RYR2: variants seen among roughly 807,000 people sequenced by gnomAD.
The protein encoded by RYR2 is cardiac muscle ryanodine receptor-calcium release channel.
A neutral mutation model predicts 601.1 loss-of-function variants in RYR2; 227 were observed. The ratio of observed to expected loss-of-function variants is 0.38; its 90% CI spans 0.34 to 0.42. RYR2 has a LOEUF of 0.42. Ranked by LOEUF, RYR2 falls within the 10% of genes least tolerant of loss-of-function variation. The pLI, the probability that RYR2 is intolerant of heterozygous loss-of-function variation, is 1.00. For missense variants in RYR2, 4,646 were observed against 6,156.5 expected (o/e 0.75, Z 8.21); for synonymous variants, 2,223 against 2,175.1 (o/e 1.02, Z -0.61).
rs1689344988 is a variant in RYR2 at position 237,717,288 on chromosome 1, C to T, written c.10414C>T (p.Arg3472Trp). The T allele has an allele frequency of 3.1e-6, 5 of 1,613,352 alleles. No individual in the cohort carries two copies. Among genetic ancestry groups the T allele is most frequent in the Non-Finnish European group, 3.4e-6 (4 of 1,179,456 alleles). Residue 3472 changes from arginine (R) to tryptophan (W), a missense_variant, in exon 72 of 105, where the codon CGG becomes TGG. Arg to Trp is a moderately radical substitution (Grantham distance 101). This residue lies in a region of RYR2 where 1,497 missense variants were observed against 1,842.6 expected (regional missense o/e 0.81). Transcript: ENST00000366574. ...CTCTCTGATTGTAGCAGCTCTGAAG[C>T]GGTTACTGCCCATTGGGTTGAACAT... ...QTSLIVAALKRLLPIGLNICA... is the reference protein window; with the variant it reads ...QTSLIVAALKWLLPIGLNICA...
intron 10 of RYR2, among the ~76,000 whole-genome samples, chr1:237,399,755 G>T (rs535830559): frequency 3.4e-4 from 51 of 152,192 alleles, no homozygotes; most frequent in African/African-American, 1.2e-3. Flanking sequence ...TAAATATAGT[G>T]GGGGAGGGGA....
At chr1:237,638,906 G>T in intron 45 of RYR2, 109 bp from the exon 46 acceptor site, 1 of 1,274,436 alleles carries the variant, frequency 7.8e-7, no homozygotes, top group East Asian at 2.5e-5. Flanking sequence ...TTAGTATATT[G>T]TTGGGTTTTA....
chr1:237,500,961 A>T (rs775186611), intron 21 of RYR2, 58 bp downstream of exon 21: 33 of 1,476,810 alleles, frequency 2.2e-5, no homozygotes, highest in Non-Finnish European at 3.0e-5. Flanking sequence ...ACCTCCACAG[A>T]AGACTCTGCA....
chr1:237,432,331 T>C (rs1368809520), intron 12 of RYR2, among the ~76,000 whole-genome samples: 1 of 152,138 alleles, frequency 6.6e-6, no homozygotes, highest in African/African-American at 2.4e-5. Context: ...TCATAACTTG[T>C]AGGGACAGAA....
chr1:237,354,876 C>G (rs1699160597), intron 3 of RYR2, among the ~76,000 whole-genome samples: 1 of 152,150 alleles, frequency 6.6e-6, no homozygotes, highest in Admixed American at 6.6e-5. Flanking sequence ...GCAAAATGCT[C>G]TGTTACAAGT....
Position 237,610,794 on chromosome 1 carries a change from G to T in RYR2, c.4716G>T (p.Lys1572Asn). ...NVMPLSAGLF[K>N]SEHKNPVPQC... ...TGCCTCTCTCGGCGGGATTATTCAA[G>T]AGTGAGCACAAGAACCCCGTGCCGC... The change falls in exon 36 of 105, where the codon AAG (lysine) becomes AAT (asparagine). Residue 1572 changes from lysine (K) to asparagine (N), a missense_variant. Coordinates refer to ENST00000366574, the MANE Select transcript of RYR2 (RefSeq NM_001035.3). The surrounding 1 kb of genome is among the most constrained non-coding windows in gnomAD (Gnocchi z 4.9). 6.2e-7 allele frequency: 1 copy of T among 1,609,058 alleles called. No individual in the cohort carries two copies. The highest frequency in any genetic ancestry group is 8.5e-7 in the Non-Finnish European group (1 of 1,178,074).
At chr1:237,279,770 A>G (rs1055813773) in intron 2 of RYR2, among the ~76,000 whole-genome samples, 3 of 152,170 alleles carry the variant, frequency 2.0e-5, no homozygotes, top group Non-Finnish European at 2.9e-5. Flanking sequence ...TCATTAAAAA[A>G]CAGTAAAAGC....
At chr1:237,361,765 A>T (rs1699798763) in intron 4 of RYR2, among the ~76,000 whole-genome samples, 1 of 152,232 alleles carries the variant, frequency 6.6e-6, no homozygotes, top group Non-Finnish European at 1.5e-5. Flanking sequence ...ATTATAATAG[A>T]GGAGCTTTGC....
chr1:237,567,122 G>A (rs1824859), intron 28 of RYR2, among the ~76,000 whole-genome samples: 90,522 of 152,026 alleles, frequency 0.6, 29,198 homozygotes, highest in Non-Finnish European at 0.71. Context: ...TGGTTTGTAT[G>A]AACATTTAAT....
intron 10 of RYR2, among the ~76,000 whole-genome samples, chr1:237,393,073 G>A (rs1012519563): frequency 2.6e-5 from 4 of 152,164 alleles, no homozygotes; most frequent in Non-Finnish European, 4.4e-5. Flanking sequence ...AATAATGCAT[G>A]GAAGGGGATG....
chr1:237,190,236 T>C (rs1281369935), intron 1 of RYR2, among the ~76,000 whole-genome samples: 1 of 152,142 alleles, frequency 6.6e-6, no homozygotes, highest in Non-Finnish European at 1.5e-5. Flanking sequence ...CCACCAACAG[T>C]GCGTAGTGTT....
chr1:237,473,358 A>G (rs1558877918), intron 17 of RYR2, among the ~76,000 whole-genome samples: 1 of 151,990 alleles, frequency 6.6e-6, no homozygotes, highest in Non-Finnish European at 1.5e-5. Context: ...TGGGAGGCGG[A>G]GGTTGCGGTG....
chr1:237,331,053 C>T, intron 3 of RYR2, 71 bp downstream of exon 3: 1 of 1,261,162 alleles, frequency 7.9e-7, no homozygotes, highest in Non-Finnish European at 1.2e-6. Flanking sequence ...ATTTCTTTCA[C>T]AGGTGTCAGA....
At chr1:237,502,744 T>C (rs1664794277) in intron 21 of RYR2, among the ~76,000 whole-genome samples, 1 of 151,896 alleles carries the variant, frequency 6.6e-6, no homozygotes, top group African/African-American at 2.4e-5. Context: ...CTGGTACCTG[T>C]CGTGGCCTGG....
chr1:237,247,259 G>A (rs1367000841), intron 1 of RYR2, among the ~76,000 whole-genome samples: 6 of 152,132 alleles, frequency 3.9e-5, no homozygotes, highest in Non-Finnish European at 7.3e-5. Context: ...ATTTAAGCTC[G>A]TGCAAAAATA....
At chr1:237,051,724 G>GA (rs1337004833) in intron 1 of RYR2, among the ~76,000 whole-genome samples, 1 of 152,114 alleles carries the variant, frequency 6.6e-6, no homozygotes. Context: ...GAAATCCCTA[G>GA]AAAATCCCTC....
intron 63 of RYR2, among the ~76,000 whole-genome samples, chr1:237,689,994 G>A (rs1686796203): frequency 6.6e-6 from 1 of 152,022 alleles, no homozygotes; most frequent in Middle Eastern, 3.4e-3. Flanking sequence ...ACAGGCACAC[G>A]CCACCACACA....
At chr1:237,691,514 C>T (rs916977137) in intron 63 of RYR2, among the ~76,000 whole-genome samples, 1 of 152,118 alleles carries the variant, frequency 6.6e-6, no homozygotes, top group Non-Finnish European at 1.5e-5. Context: ...ATTCTCAAAA[C>T]TTTGGCTTTT....
intron 2 of RYR2, among the ~76,000 whole-genome samples, chr1:237,315,596 A>C (rs1190926087): frequency 6.6e-6 from 1 of 152,240 alleles, no homozygotes; most frequent in Non-Finnish European, 1.5e-5. Flanking sequence ...ACAATGAAGA[A>C]TATTTAACAA....
Sources: gnomAD v4.1 joint callset for allele counts (sites outside exome capture counted in the v4.1 genomes callset) on GRCh38, gnomAD v4.1.1 for gene constraint, gnomAD v4.1.1 regional missense constraint, Gnocchi (gnomAD v3.1) non-coding constraint, MANE v1.5 for transcripts, NCBI Gene and HGNC (gene_info 2026-07-23, HGNC 2026-07-21) for gene names.